AKAP13: variants seen among roughly 807,000 people sequenced by gnomAD.
AKAP13 encodes A-kinase anchoring protein 13.
A neutral mutation model predicts 264.5 loss-of-function variants in AKAP13; 80 were observed. That is an observed-to-expected ratio of 0.30 (90% CI 0.25 to 0.36). AKAP13 has a LOEUF of 0.36. Among genes scored for constraint, AKAP13 ranks in the 10% least tolerant of loss-of-function variants. The pLI, the probability that AKAP13 is intolerant of heterozygous loss-of-function variation, is 1.00. For missense variants in AKAP13, 3,712 were observed against 3,435.2 expected (o/e 1.08, Z -2.01); for synonymous variants, 1,380 against 1,250.2 (o/e 1.10, Z -2.19).
intron 8 of AKAP13, among the ~76,000 whole-genome samples, chr15:85,589,431 G>A (rs943041291): frequency 6.6e-6 from 1 of 151,884 alleles, no homozygotes; most frequent in Non-Finnish European, 1.5e-5. Flanking sequence ...AAATATTATT[G>A]TTTTGAATTA....
intron 11 of AKAP13, among the ~76,000 whole-genome samples, chr15:85,656,443 TTTG>T (rs1226001701): frequency 6.6e-6 from 1 of 152,052 alleles, no homozygotes; most frequent in Non-Finnish European, 1.5e-5. Context: ...GTATGTCGAA[TTTG>T]ACTTCTTTTT....
intron 5 of AKAP13, among the ~76,000 whole-genome samples, chr15:85,553,039 A>G (rs964091873): frequency 6.6e-6 from 1 of 152,138 alleles, no homozygotes; most frequent in African/African-American, 2.4e-5. Context: ...ACTAGTTAAT[A>G]AAAAGTTAAA....
rs543910893 is a variant in AKAP13, at chr15:85,450,518, C to T, written c.-11-35192C>T. ...GGTGCTATGAATTTTCCTCTTAACACCACCTTAGCTGTGTCCCAGAGATTC... is the reference window on the plus strand; with the variant it reads ...GGTGCTATGAATTTTCCTCTTAACATCACCTTAGCTGTGTCCCAGAGATTC... On this transcript the variant is annotated intron_variant, in intron 1 of 36. Coordinates refer to ENST00000394518, the MANE Select transcript of AKAP13 (RefSeq NM_007200.5). Among the ~76,000 whole-genome samples the T allele has an allele frequency of 3.3e-5, 5 of 152,216 alleles. No homozygotes were observed. In the East Asian group the frequency reaches 9.6e-4, roughly 29 times the overall value.
intron 16 of AKAP13, chr15:85,692,984 C>T (rs1200920419): frequency 3.4e-6 from 1 of 297,966 alleles, no homozygotes; most frequent in Non-Finnish European, 6.2e-6. Flanking sequence ...TCAGAAGCCT[C>T]CTTGCAGTGC....
chr15:85,484,994 G>A (rs953406842), intron 1 of AKAP13, among the ~76,000 whole-genome samples: 1 of 152,060 alleles, frequency 6.6e-6, no homozygotes, highest in African/African-American at 2.4e-5. Flanking sequence ...TCAAACTCAG[G>A]GTGTTTGGTA....
intron 1 of AKAP13, among the ~76,000 whole-genome samples, chr15:85,396,559 T>C (rs1258371036): frequency 6.6e-6 from 1 of 152,192 alleles, no homozygotes; most frequent in Non-Finnish European, 1.5e-5. Flanking sequence ...TACTATAATA[T>C]GTTTGTCCTA....
chr15:85,516,952 A>C (rs191833919), intron 2 of AKAP13, among the ~76,000 whole-genome samples: 13 of 152,344 alleles, frequency 8.5e-5, no homozygotes, highest in African/African-American at 2.9e-4. Context: ...ATAAGTTTTG[A>C]GTATTTATGA....
chr15:85,399,514 A>AAAAAAAT (rs2071297075), intron 1 of AKAP13, among the ~76,000 whole-genome samples: 1 of 104,954 alleles, frequency 9.5e-6, no homozygotes. Context: ...AAAAAAAAAA[A>AAAAAAAT]AAAAAAAATA....
intron 7 of AKAP13, 70 bp downstream of exon 7, chr15:85,582,177 G>C (rs952639210): frequency 2.0e-6 from 3 of 1,471,244 alleles, no homozygotes; most frequent in Non-Finnish European, 2.7e-6. Context: ...GTGGTGTCCT[G>C]GTAAAAATAT....
At chr15:85,446,410 G>T (rs2073899903) in intron 1 of AKAP13, among the ~76,000 whole-genome samples, 1 of 152,166 alleles carries the variant, frequency 6.6e-6, no homozygotes, top group African/African-American at 2.4e-5. Flanking sequence ...CTTGAGGTGA[G>T]ACCGTTAATG....
chr15:85,552,248 A>G (rs555248550), intron 5 of AKAP13, among the ~76,000 whole-genome samples: 1 of 152,310 alleles, frequency 6.6e-6, no homozygotes, highest in African/African-American at 2.4e-5. Context: ...GATTCATTAA[A>G]CAGCATATAC....
rs375690520 is a variant in AKAP13 at position 85,581,483 on chromosome 15, A to G, written c.3415A>G (p.Lys1139Glu). 9.7e-5 allele frequency: 156 copies of G among 1,614,090 alleles called. No homozygotes were observed. Among genetic ancestry groups the G allele is most frequent in the Non-Finnish European group, 1.3e-4 (154 of 1,180,050 alleles). ...VLGLPVALQD[K>E]AVTDPQGVGT... is the part of the protein sequence containing the mutation. ...AGGTTTGCCAGTGGCTCTACAGGAC[A>G]AAGCTGTGACTGACCCACAGGGAGT... Residue 1139 changes from lysine to glutamate, a missense_variant, in exon 7 of 37, where the codon AAA (lysine) becomes GAA (glutamate). By Grantham distance (56) the Lys-to-Glu change is moderately conservative. Around this residue, in one of 3 missense-constraint regions of AKAP13, gnomAD observed 2,759 missense variants for 2,411.7 expected, o/e 1.14. Coordinates refer to ENST00000394518, the MANE Select transcript of AKAP13 (RefSeq NM_007200.5).
chr15:85,594,647 A>G (rs572566401), intron 8 of AKAP13, among the ~76,000 whole-genome samples: 2 of 152,346 alleles, frequency 1.3e-5, no homozygotes, highest in East Asian at 1.9e-4. Flanking sequence ...GCTTACTGAT[A>G]TAAATATGAC....
chr15:85,705,655 G>A (rs1010753660), intron 17 of AKAP13, among the ~76,000 whole-genome samples: 4 of 152,100 alleles, frequency 2.6e-5, no homozygotes, highest in African/African-American at 9.7e-5. Context: ...TTAATACAAA[G>A]TATTATACAT....
rs1292967912 is a variant in AKAP13 at position 85,642,932 on chromosome 15, A to AT, written c.4238-2879dup. Among the ~76,000 whole-genome samples, 5 of 150,560 alleles carry AT rather than the reference A, an allele frequency of 3.3e-5. No individual in the cohort carries two copies. The East Asian group carries it at 5.9e-4, about 18-fold the overall frequency. ...ATTTTTCCCTCAACCATGGAAAGGC[A>AT]TTTTTTTATTTTTTCAAGCAGGGAA... On this transcript the variant is annotated intron_variant, in intron 9 of 36. Coordinates refer to ENST00000394518, the MANE Select transcript of AKAP13 (RefSeq NM_007200.5).
chr15:85,741,484 G>C lies in AKAP13; in HGVS notation c.8047G>C (p.Asp2683His). 1 of 1,590,708 alleles carries C rather than the reference G, an allele frequency of 6.3e-7. No homozygotes were observed. Among genetic ancestry groups the C allele is most frequent in the Admixed American group, 1.7e-5 (1 of 58,280 alleles). Residue 2683 changes from aspartate to histidine, a missense_variant, in exon 35 of 37, where the codon GAC (aspartate) becomes CAC (histidine). Around this residue, in one of 3 missense-constraint regions of AKAP13, gnomAD observed 611 missense variants for 539.3 expected, o/e 1.13. Transcript: ENST00000394518. ...ERLSQRQTER[D>H]LCQVSHPHTK... ...GCTCAGCCAGCGGCAGACAGAACGG[G>C]ACCTGTGTCAGGTAATGGGACTCCC...
intron 10 of AKAP13, among the ~76,000 whole-genome samples, chr15:85,652,501 T>C (rs756558033): frequency 1.3e-5 from 2 of 152,238 alleles, no homozygotes. Flanking sequence ...AGGCTTGTTA[T>C]ACATTTTGCT....
Position 85,735,083 on chromosome 15 carries a change from C to T in AKAP13, c.7374C>T (p.Pro2458=), listed in dbSNP as rs772608420. The T allele has an allele frequency of 2.2e-5, 36 of 1,614,074 alleles. No homozygotes were observed. The highest frequency in any genetic ancestry group is 9.3e-5 in the African/African-American group (7 of 74,926). ...CCATTGAGCAAGATGTGGTCGGTCC[C>T]GTTTCCCTGCCCCGGAGAGCAGAGA... ...SSPIEQDVVG[P]VSLPRRAETF... Residue 2458 remains proline, a synonymous_variant, in exon 31 of 37, where the codon CCC becomes CCT. Transcript: ENST00000394518.
chr15:85,661,992 C>T (rs2083374745), intron 12 of AKAP13, among the ~76,000 whole-genome samples: 1 of 151,212 alleles, frequency 6.6e-6, no homozygotes, highest in Admixed American at 6.6e-5. Flanking sequence ...ATTAGAGATA[C>T]TATGGTAAGG....
Sources: gnomAD v4.1 joint callset for allele counts (sites outside exome capture counted in the v4.1 genomes callset) on GRCh38, gnomAD v4.1.1 for gene constraint, gnomAD v4.1.1 regional missense constraint, MANE v1.5 for transcripts, NCBI Gene and HGNC (gene_info 2026-07-23, HGNC 2026-07-21) for gene names.